The following METTL21A variants were observed in gnomAD, a reference collection of about 807,000 sequenced individuals.
METTL21A encodes protein N-lysine methyltransferase METTL21A.
A neutral mutation model predicts 20.9 loss-of-function variants in METTL21A; 22 were observed. That is an observed-to-expected ratio of 1.05 (90% CI 0.75 to 1.50). The LOEUF (loss-of-function observed/expected upper bound fraction) is 1.50. METTL21A is among the 40% of genes most tolerant of loss of function. METTL21A has a pLI of 0.00. For synonymous variants in METTL21A, 93 were observed against 102.0 expected (o/e 0.91, Z 0.53); for missense variants, 271 against 266.8 (o/e 1.02, Z -0.11).
chr2:207,592,357 G>C (rs1322235876), intron 3 of METTL21A, among the ~76,000 whole-genome samples: 3 of 152,034 alleles, frequency 2.0e-5, no homozygotes, highest in African/African-American at 7.3e-5. Flanking sequence ...CAGTAGCCCA[G>C]ATCACGCCAC....
intron 3 of METTL21A, chr2:207,597,064 G>A (rs1020319916): frequency 1.3e-6 from 2 of 1,586,992 alleles, no homozygotes; most frequent in Non-Finnish European, 1.7e-6. Flanking sequence ...ATTAATTTGG[G>A]ATTTAAATTT....
rs72094349 is a variant in METTL21A, at chr2:207,596,839, GAAAA to G, written c.260-14683_260-14680del. The stretch of plus-strand genomic sequence containing the variant: ...TGCTGTGAGCTATTTCTTTAAAAAA[GAAAA>G]AAAAAAGGTAATCCAAAATAAATAT... On this transcript the variant is annotated intron_variant, in intron 3 of 3. Coordinates refer to the METTL21A transcript ENST00000425132. 6 of 1,363,752 alleles carry G rather than the reference GAAAA, an allele frequency of 4.4e-6. No homozygotes were observed. The African/African-American group carries it at 4.6e-5, about 10-fold the overall frequency. 84.5% of individuals were successfully genotyped at this position (1,363,752 alleles called of 1,614,324 possible).
intron 3 of METTL21A, chr2:207,600,069 G>A (rs1008449042): frequency 1.6e-5 from 3 of 187,026 alleles, no homozygotes; most frequent in African/African-American, 7.0e-5. Context: ...AAGTGGCTTA[G>A]AAAGGGCTAG....
chr2:207,615,801 TTC>T (rs2089648969), intron 3 of METTL21A: 2 of 152,206 alleles, frequency 1.3e-5, no homozygotes, highest in Non-Finnish European at 2.9e-5. Context: ...TCAGTAATTT[TTC>T]AGTGATTATA....
intron 3 of METTL21A, among the ~76,000 whole-genome samples, chr2:207,589,399 A>G (rs1352062733): frequency 6.6e-6 from 1 of 152,148 alleles, no homozygotes; most frequent in African/African-American, 2.4e-5. Flanking sequence ...ACTTTTAAGA[A>G]TGCTTGTGGT....
chr2:207,582,809 T>A, intron 3 of METTL21A: 1 of 317,838 alleles, frequency 3.1e-6, no homozygotes, highest in Non-Finnish European at 6.4e-6. Flanking sequence ...AGAAGAATTG[T>A]GCGAACCTGG....
intron 3 of METTL21A, among the ~76,000 whole-genome samples, chr2:207,616,114 T>C (rs2107109473): frequency 6.6e-6 from 1 of 151,862 alleles, no homozygotes; most frequent in Admixed American, 6.6e-5. Flanking sequence ...TATTTTGTCA[T>C]GTGAGCAATG....
At chr2:207,598,909 A>G (rs2086613689) in intron 3 of METTL21A, 1 of 180,152 alleles carries the variant, frequency 5.6e-6, no homozygotes, top group South Asian at 2.0e-4. Context: ...AGACACTTAG[A>G]AAACTAATGT....
chr2:207,602,047 TAAAC>T (rs1387310518), intron 3 of METTL21A: 17 of 204,758 alleles, frequency 8.3e-5, no homozygotes, highest in East Asian at 5.9e-4. Flanking sequence ...AATTTTCAAA[TAAAC>T]AGGGTGCTGA....
At chr2:207,601,759 A>T in intron 3 of METTL21A, 2 of 217,590 alleles carry the variant, frequency 9.2e-6, no homozygotes, top group Middle Eastern at 1.4e-3. Flanking sequence ...TTGATTTCAG[A>T]TGAGGAAGGA....
intron 3 of METTL21A, among the ~76,000 whole-genome samples, chr2:207,593,529 C>A (rs1407753967): frequency 6.6e-6 from 1 of 151,938 alleles, no homozygotes; most frequent in Admixed American, 6.5e-5. Context: ...GACCCCATCT[C>A]AAAAATGAAA....
intron 3 of METTL21A, chr2:207,597,071 A>T: frequency 2.5e-6 from 4 of 1,586,180 alleles, no homozygotes; most frequent in Non-Finnish European, 3.4e-6. Flanking sequence ...TGGGATTTAA[A>T]TTTTCACCTG....
exon 4 of METTL21A, chr2:207,613,245 G>C: frequency 6.2e-7 from 1 of 1,612,870 alleles, no homozygotes; most frequent in Non-Finnish European, 8.5e-7. Flanking sequence ...AAGAAGATCT[G>C]TGAATGTTTC....
intron 3 of METTL21A, among the ~76,000 whole-genome samples, chr2:207,616,359 C>A (rs1478856982): frequency 6.6e-6 from 1 of 152,212 alleles, no homozygotes; most frequent in East Asian, 1.9e-4. Flanking sequence ...TAATGCCTGT[C>A]CCAGGCATTT....
At chr2:207,601,673 C>T (rs2087079340) in intron 3 of METTL21A, 1 of 213,672 alleles carries the variant, frequency 4.7e-6, no homozygotes, top group South Asian at 1.9e-4. Context: ...ATTGTCCTCA[C>T]AGAGACCACA....
intron 3 of METTL21A, chr2:207,601,757 A>C: frequency 4.6e-6 from 1 of 217,216 alleles, no homozygotes; most frequent in Non-Finnish European, 9.3e-6. Flanking sequence ...ATTTGATTTC[A>C]GATGAGGAAG....
intron 3 of METTL21A, among the ~76,000 whole-genome samples, chr2:207,586,273 T>TAA (rs2083824163): frequency 1.3e-5 from 2 of 152,046 alleles, no homozygotes; most frequent in Non-Finnish European, 2.9e-5. Flanking sequence ...GAACACAGAA[T>TAA]AAATCTACTT....
intron 3 of METTL21A, among the ~76,000 whole-genome samples, chr2:207,596,329 T>C (rs1283310541): frequency 6.6e-6 from 1 of 152,228 alleles, no homozygotes; most frequent in Non-Finnish European, 1.5e-5. Context: ...GTTATTGATA[T>C]GGATAGAATT....
chr2:207,603,695 G>A (rs1183500612), intron 3 of METTL21A, among the ~76,000 whole-genome samples: 1 of 152,098 alleles, frequency 6.6e-6, no homozygotes, highest in Admixed American at 6.5e-5. Flanking sequence ...GGAGACATAC[G>A]ACCAGCTGTG....
Sources: allele counts gnomAD v4.1 joint callset (sites outside exome capture counted in the v4.1 genomes callset), GRCh38; gene constraint gnomAD v4.1.1; transcripts MANE v1.5; gene names NCBI Gene and HGNC (gene_info 2026-07-23, HGNC 2026-07-21).